EPS15L1: variants seen among roughly 807,000 people sequenced by gnomAD.
EPS15L1 encodes epidermal growth factor receptor substrate 15-like 1.
Under a neutral mutation model 117.1 loss-of-function variants are expected in EPS15L1, and 43 were observed. That is an observed-to-expected ratio of 0.37 (90% CI 0.29 to 0.47). The LOEUF is 0.47. Ranked by LOEUF, EPS15L1 falls within the 20% of genes least tolerant of loss-of-function variation. EPS15L1 has a pLI of 0.99. For missense variants in EPS15L1, 981 were observed against 1,164.0 expected (o/e 0.84, Z 2.29); for synonymous variants, 459 against 470.5 (o/e 0.98, Z 0.32).
intron 10 of EPS15L1, 85 bp from the exon 11 acceptor site, chr19:16,418,189 AACG>A (rs2092779016): frequency 3.4e-6 from 5 of 1,462,208 alleles, no homozygotes; most frequent in Non-Finnish European, 4.6e-6. Flanking sequence ...GCTTTTCAAA[AACG>A]ACAGCGACGA....
chr19:16,391,343 T>C (rs538456892), intron 19 of EPS15L1, among the ~76,000 whole-genome samples: 1 of 152,322 alleles, frequency 6.6e-6, no homozygotes, highest in South Asian at 2.1e-4. Context: ...CCAGGAATGC[T>C]AGGGAAATTC....
Position 16,355,814 on chromosome 19 carries a change from C to A in EPS15L1, c.2624G>T (p.Arg875Leu), listed in dbSNP as rs988422900. ...CTCCTGTTCCGCCTTCTCGCTCTCC[C>A]GCTTGGCCCACGCCAGCTGCTGCTC... ...NEEQQLAWAK[R>L]ESEKAEQERL... Residue 875 changes from arginine to leucine, a missense_variant, in exon 24 of 24, where the codon CGG becomes CTG. Arg to Leu is a moderately radical substitution (Grantham distance 102). This residue lies in a region of EPS15L1 where 819 missense variants were observed against 949.0 expected (regional missense o/e 0.86). Transcript: ENST00000455140. The A allele has an allele frequency of 6.5e-7, 1 of 1,536,140 alleles. No homozygotes were observed. The highest frequency in any genetic ancestry group is 8.7e-7 in the Non-Finnish European group (1 of 1,146,858).
intron 6 of EPS15L1, 129 bp from the exon 7 acceptor site, chr19:16,434,619 T>C (rs1244925339): frequency 6.1e-6 from 6 of 988,096 alleles, no homozygotes; most frequent in Non-Finnish European, 9.0e-6. Context: ...AAGCACAAAA[T>C]GATCTTAGAA....
intron 19 of EPS15L1, among the ~76,000 whole-genome samples, chr19:16,388,379 A>G (rs1347724128): frequency 1.3e-5 from 2 of 152,216 alleles, no homozygotes; most frequent in Non-Finnish European, 2.9e-5. Flanking sequence ...TAATTTACAG[A>G]TTCAAGAAGC....
chr19:16,434,526 G>GCA (rs746314859), intron 6 of EPS15L1, 36 bp from the exon 7 acceptor site: 14 of 1,601,238 alleles, frequency 8.7e-6, no homozygotes, highest in Non-Finnish European at 1.2e-5. Context: ...AAGTAGGAGA[G>GCA]CACACCTGTG....
In EPS15L1 at chr19:16,370,512, T is replaced by G. The variant is rs2092207509; in HGVS notation, c.2380+6610A>C. ...TGCTGGGGTGGGAGCCCAGCCACTC[T>G]AGGCCTGCACCCCACCCTGCAGCCC... On this transcript the variant is annotated intron_variant, in intron 22 of 23. Coordinates refer to ENST00000455140, the MANE Select transcript of EPS15L1 (RefSeq NM_001258374.3). This position sits in a 1 kb window ranked among gnomAD's most constrained non-coding sequence, Gnocchi z 5.2. Among the ~76,000 whole-genome samples the G allele has an allele frequency of 6.6e-6, 1 of 152,026 alleles. No individual in the cohort carries two copies. The highest frequency in any genetic ancestry group is 6.5e-5 in the Admixed American group (1 of 15,272).
chr19:16,467,195 G>A (rs1415599899), intron 1 of EPS15L1, among the ~76,000 whole-genome samples: 5 of 149,978 alleles, frequency 3.3e-5, no homozygotes, highest in Admixed American at 6.6e-5. Context: ...TGCCCAGGCT[G>A]GAGTGTGCAG....
intron 12 of EPS15L1, among the ~76,000 whole-genome samples, chr19:16,414,529 T>C (rs1555753537): frequency 6.6e-6 from 1 of 151,872 alleles, no homozygotes; most frequent in Non-Finnish European, 1.5e-5. Context: ...GCCTCCCTAG[T>C]AGCTGGGACT....
At chr19:16,455,380 C>T (rs1216357015) in intron 1 of EPS15L1, among the ~76,000 whole-genome samples, 11 of 152,154 alleles carry the variant, frequency 7.2e-5, no homozygotes, top group Non-Finnish European at 1.5e-4. Flanking sequence ...CCTGCCTTGG[C>T]CTCCCAAAGT....
chr19:16,369,172 G>A (rs1048378041), intron 22 of EPS15L1, among the ~76,000 whole-genome samples: 5 of 152,152 alleles, frequency 3.3e-5, no homozygotes, highest in Non-Finnish European at 5.9e-5. Context: ...ACGGGACCAC[G>A]TAAGGGACCT....
intron 10 of EPS15L1, 123 bp from the exon 11 acceptor site, chr19:16,418,227 A>G: frequency 9.3e-7 from 1 of 1,080,188 alleles, no homozygotes; most frequent in Non-Finnish European, 1.3e-6. Context: ...CGTGGTGGCA[A>G]GCCCCAGCTC....
intron 4 of EPS15L1, among the ~76,000 whole-genome samples, chr19:16,439,157 T>C (rs1312994306): frequency 6.6e-6 from 1 of 152,072 alleles, no homozygotes; most frequent in African/African-American, 2.4e-5. Context: ...AAAAGTGTCT[T>C]CAAAGAGGTA....
At chr19:16,394,809 G>A (rs914932818) in intron 17 of EPS15L1, among the ~76,000 whole-genome samples, 5 of 152,112 alleles carry the variant, frequency 3.3e-5, no homozygotes, top group Admixed American at 6.6e-5. Flanking sequence ...AGTACTGAAG[G>A]GTTCAAGGGG....
intron 19 of EPS15L1, among the ~76,000 whole-genome samples, chr19:16,391,192 A>C (rs1433351805): frequency 6.6e-6 from 1 of 152,196 alleles, no homozygotes; most frequent in African/African-American, 2.4e-5. Flanking sequence ...AGTAACCCCA[A>C]ATAAATAGGA....
intron 17 of EPS15L1, among the ~76,000 whole-genome samples, chr19:16,394,871 C>T (rs899590636): frequency 2.0e-5 from 3 of 152,134 alleles, no homozygotes; most frequent in Non-Finnish European, 4.4e-5. Flanking sequence ...TGGAACACTT[C>T]CCACTGTATC....
chr19:16,395,201 CAAAAAAAAAA>C, intron 17 of EPS15L1, 133 bp downstream of exon 17: 3 of 458,164 alleles, frequency 6.5e-6, no homozygotes, highest in Non-Finnish European at 6.7e-6. Context: ...AGTTCGTCTC[CAAAAAAAAAA>C]AAAAAAAAGG....
At chr19:16,380,970 C>G (rs2092355690) in intron 21 of EPS15L1, among the ~76,000 whole-genome samples, 1 of 152,356 alleles carries the variant, frequency 6.6e-6, no homozygotes, top group South Asian at 2.1e-4. Flanking sequence ...GTCAGAGCCA[C>G]ATCAGAGACA....
chr19:16,433,286 C>T (rs1251643952), intron 7 of EPS15L1, among the ~76,000 whole-genome samples: 1 of 151,990 alleles, frequency 6.6e-6, no homozygotes, highest in African/African-American at 2.4e-5. Context: ...CACCACCACA[C>T]CTGGCTAATT....
At chr19:16,368,600 G>A (rs35042571) in intron 22 of EPS15L1, among the ~76,000 whole-genome samples, 6,590 of 150,824 alleles carry the variant, frequency 0.044, 217 homozygotes, top group Non-Finnish European at 0.072. Flanking sequence ...AACAGGTGGT[G>A]CCCACACAAC....
Sources: allele counts gnomAD v4.1 joint callset (sites outside exome capture counted in the v4.1 genomes callset), GRCh38; gene constraint gnomAD v4.1.1; regional missense constraint gnomAD v4.1.1; non-coding constraint Gnocchi (gnomAD v3.1); transcripts MANE v1.5; gene names NCBI Gene and HGNC (gene_info 2026-07-23, HGNC 2026-07-21).